The following CSMD1 variants were observed in gnomAD, a reference collection of about 807,000 sequenced individuals.
CSMD1 encodes CUB and Sushi multiple domains 1.
In CSMD1, 213 loss-of-function variants were observed where a neutral mutation model predicts 417.5. That is an observed-to-expected ratio of 0.51 (90% CI 0.46 to 0.57). CSMD1 has a LOEUF of 0.57. Ranked by LOEUF, CSMD1 falls within the 20% of genes least tolerant of loss-of-function variation. The pLI is 0.00. For missense variants in CSMD1, 6,923 were observed against 4,529.7 expected (o/e 1.53, Z -15.17); for synonymous variants, 2,862 against 1,736.8 (o/e 1.65, Z -16.11).
intron 3 of CSMD1, among the ~76,000 whole-genome samples, chr8:4,332,298 A>T (rs1424270918): frequency 1.3e-5 from 2 of 152,070 alleles, no homozygotes; most frequent in African/African-American, 4.8e-5. Flanking sequence ...CCTCTCTTGG[A>T]GATGCTCTTT....
intron 3 of CSMD1, among the ~76,000 whole-genome samples, chr8:4,242,366 G>C (rs1348716101): frequency 6.6e-6 from 1 of 152,106 alleles, no homozygotes; most frequent in African/African-American, 2.4e-5. Flanking sequence ...TAATCAAAGA[G>C]CTGTAAATGA....
At chr8:3,738,402 C>G (rs895337235) in intron 6 of CSMD1, among the ~76,000 whole-genome samples, 2 of 152,188 alleles carry the variant, frequency 1.3e-5, no homozygotes, top group African/African-American at 4.8e-5. Flanking sequence ...ATAAAATATG[C>G]ATGGTGGTTG....
At chr8:3,289,427 T>C (rs1388366242) in intron 25 of CSMD1, among the ~76,000 whole-genome samples, 5 of 147,492 alleles carry the variant, frequency 3.4e-5, no homozygotes, top group Non-Finnish European at 7.3e-5. Context: ...GTTGAACTAG[T>C]TTACAGTCCC....
intron 25 of CSMD1, among the ~76,000 whole-genome samples, chr8:3,303,726 A>C (rs754870319): frequency 4.6e-5 from 7 of 152,256 alleles, no homozygotes; most frequent in Non-Finnish European, 8.8e-5. Flanking sequence ...CTTTTGTTAC[A>C]TAAAGCAAAG....
chr8:3,494,705 A>C (rs1265287598), intron 10 of CSMD1, among the ~76,000 whole-genome samples: 4 of 151,502 alleles, frequency 2.6e-5, no homozygotes, highest in African/African-American at 9.8e-5. Context: ...AATGAGAGAG[A>C]GAGAGATGTA....
At chr8:3,197,652 G>C (rs1220729805) in intron 33 of CSMD1, among the ~76,000 whole-genome samples, 3 of 151,854 alleles carry the variant, frequency 2.0e-5, no homozygotes, top group Non-Finnish European at 2.9e-5. Context: ...TTTTAGTAGA[G>C]ACGGGGTTTC....
chr8:4,068,745 T>C (rs1799389892), intron 3 of CSMD1, among the ~76,000 whole-genome samples: 1 of 152,212 alleles, frequency 6.6e-6, no homozygotes, highest in Non-Finnish European at 1.5e-5. Context: ...TGTGTATTTC[T>C]GTACCATAAA....
chr8:3,523,704 T>G (rs575527567), intron 10 of CSMD1, among the ~76,000 whole-genome samples: 1 of 149,084 alleles, frequency 6.7e-6, no homozygotes, highest in African/African-American at 2.5e-5. Context: ...TGCACACATG[T>G]GCATGCACAC....
At chr8:3,955,234 C>G (rs1314779232) in intron 5 of CSMD1, among the ~76,000 whole-genome samples, 1 of 151,992 alleles carries the variant, frequency 6.6e-6, no homozygotes, top group Non-Finnish European at 1.5e-5. Context: ...TGTGAGAGGC[C>G]CCCACAGATC....
intron 5 of CSMD1, among the ~76,000 whole-genome samples, chr8:3,982,860 G>C (rs936116092): frequency 2.0e-5 from 3 of 152,144 alleles, no homozygotes; most frequent in Non-Finnish European, 2.9e-5. Flanking sequence ...CGCATACCAA[G>C]GACAAAGCTA....
chr8:4,001,170 T>C (rs1172761039), intron 4 of CSMD1, among the ~76,000 whole-genome samples: 2 of 152,198 alleles, frequency 1.3e-5, no homozygotes, highest in South Asian at 2.1e-4. Context: ...GTGCATGGTA[T>C]AGAATAAACA....
chr8:3,858,532 G>C (rs541615483), intron 5 of CSMD1, among the ~76,000 whole-genome samples: 36 of 152,260 alleles, frequency 2.4e-4, no homozygotes, highest in Non-Finnish European at 4.1e-4. Flanking sequence ...GAATAAAAGT[G>C]CATAGAGCAA....
intron 1 of CSMD1, among the ~76,000 whole-genome samples, chr8:4,737,439 T>C (rs1295866506): frequency 6.6e-6 from 1 of 152,038 alleles, no homozygotes; most frequent in Non-Finnish European, 1.5e-5. Flanking sequence ...CAAATTGCCA[T>C]AACAAAAATT....
At chr8:4,512,215 C>G (rs1802859095) in intron 2 of CSMD1, among the ~76,000 whole-genome samples, 1 of 152,038 alleles carries the variant, frequency 6.6e-6, no homozygotes, top group Non-Finnish European at 1.5e-5. Context: ...CAGAGAAAAG[C>G]AATTAACAAA....
intron 1 of CSMD1, among the ~76,000 whole-genome samples, chr8:4,659,363 A>C (rs1415366565): frequency 6.6e-6 from 1 of 152,194 alleles, no homozygotes; most frequent in South Asian, 2.1e-4. Flanking sequence ...AATATTAAAA[A>C]GATTAGAGCA....
intron 42 of CSMD1, among the ~76,000 whole-genome samples, chr8:3,116,368 A>G (rs1317388803): frequency 1.8e-4 from 19 of 105,694 alleles, no homozygotes; most frequent in Admixed American, 1.5e-3. Context: ...TCAGAGAGAT[A>G]TGTGGCATCC....
intron 7 of CSMD1, among the ~76,000 whole-genome samples, chr8:3,650,021 G>A (rs1417442309): frequency 1.3e-5 from 2 of 152,182 alleles, no homozygotes; most frequent in Non-Finnish European, 2.9e-5. Context: ...GCTCATGCCT[G>A]GAATCCCAGC....
chr8:4,864,481 A>G (rs560679989), intron 1 of CSMD1, among the ~76,000 whole-genome samples: 2 of 151,836 alleles, frequency 1.3e-5, no homozygotes, highest in African/African-American at 4.8e-5. Flanking sequence ...TTGCTCAGAA[A>G]CCCTATAACA....
At chr8:3,771,458 G>A (rs1444489948) in intron 5 of CSMD1, among the ~76,000 whole-genome samples, 4 of 152,114 alleles carry the variant, frequency 2.6e-5, no homozygotes, top group Admixed American at 2.6e-4. Flanking sequence ...GTTGCTGGTG[G>A]GGGGGCAAGC....
Sources: allele counts gnomAD v4.1 joint callset (sites outside exome capture counted in the v4.1 genomes callset), GRCh38; gene constraint gnomAD v4.1.1; transcripts MANE v1.5; gene names NCBI Gene and HGNC (gene_info 2026-07-23, HGNC 2026-07-21).